NTRK3: variants seen among roughly 807,000 people sequenced by gnomAD.
The protein encoded by NTRK3 is NT-3 growth factor receptor.
A neutral mutation model predicts 91.7 loss-of-function variants in NTRK3; 24 were observed. The ratio of observed to expected loss-of-function variants is 0.26; its 90% CI spans 0.19 to 0.37. The LOEUF is 0.37. NTRK3 is among the 10% of genes least tolerant of loss of function. The pLI, the probability that NTRK3 is intolerant of heterozygous loss-of-function variation, is 1.00. For missense variants in NTRK3, 880 were observed against 1,068.9 expected, an observed-to-expected ratio of 0.82 and a Z score of 2.46; for synonymous variants, 483 against 404.0, an observed-to-expected ratio of 1.20 and a Z score of -2.34.
rs141416125 is a variant in NTRK3 at position 87,894,708 on chromosome 15, A to G, written c.2134-14280T>C. On this transcript the variant is annotated intron_variant, in intron 17 of 18. Coordinates refer to ENST00000394480, the Ensembl canonical transcript of NTRK3. ...CCTTTCTCACTGCCCCCCTTCTCCA[A>G]CTGTTGGTATGTCTCAATAGTTCCT... 4.3e-3 allele frequency among the ~76,000 whole-genome samples: 652 copies of G among 152,248 alleles called. 9 individuals are homozygous for G. Among genetic ancestry groups the G allele is most frequent in the African/African-American group, 0.015 (624 of 41,550 alleles).
In NTRK3 at chr15:88,143,784, G is replaced by A. The variant is rs2042618787; in HGVS notation, c.464+3551C>T. Among the ~76,000 whole-genome samples, 7 of 152,150 alleles carry A rather than the reference G, an allele frequency of 4.6e-5. 1 individual carries two copies. The South Asian group carries it at 1.2e-3, about 27-fold the overall frequency. ...AAGACTGGGAAGAGAAATGCACCAGGACCAGCCCAAACCCATCCCCGCTAC... is the reference window on the plus strand; with the variant it reads ...AAGACTGGGAAGAGAAATGCACCAGAACCAGCCCAAACCCATCCCCGCTAC... On this transcript the variant is annotated intron_variant, in intron 6 of 18. Transcript: ENST00000394480.
chr15:88,138,895 A>AT (rs781717731), intron 6 of NTRK3, among the ~76,000 whole-genome samples: 3 of 152,244 alleles, frequency 2.0e-5, no homozygotes, highest in South Asian at 2.1e-4. Flanking sequence ...TGGCATATAA[A>AT]TTCTTGTTAA....
In NTRK3 at chr15:88,255,236, G is replaced by A. The variant is rs1360274684; in HGVS notation, c.248+670C>T. 6.6e-6 allele frequency among the ~76,000 whole-genome samples: 1 copy of A among 152,152 alleles called. No homozygotes were observed. The highest frequency in any genetic ancestry group is 1.5e-5 in the Non-Finnish European group (1 of 68,044). On this transcript the variant is annotated intron_variant, in intron 3 of 18. Coordinates refer to ENST00000394480, the Ensembl canonical transcript of NTRK3. This position sits in a 1 kb window ranked among gnomAD's most constrained non-coding sequence, Gnocchi z 4.3. ...TGTAGGCGCCCAGATGCAGATGAGGGTGGCAAAGGGGTGTCTCGGAAATGC... is the reference window on the plus strand; with the variant it reads ...TGTAGGCGCCCAGATGCAGATGAGGATGGCAAAGGGGTGTCTCGGAAATGC...
At chr15:88,224,916 C>T (rs1036039348) in intron 3 of NTRK3, among the ~76,000 whole-genome samples, 4 of 152,242 alleles carry the variant, frequency 2.6e-5, no homozygotes, top group African/African-American at 9.6e-5. Context: ...CCCTGGGGAG[C>T]AGGGTGTCAC....
At chr15:88,085,638 G>A (rs1301546545) in intron 13 of NTRK3, among the ~76,000 whole-genome samples, 1 of 151,450 alleles carries the variant, frequency 6.6e-6, no homozygotes. Flanking sequence ...GGGGTGGTTT[G>A]TTACCCAGCA....
chr15:88,250,049 A>C (rs1038731477), intron 3 of NTRK3, among the ~76,000 whole-genome samples: 5 of 152,222 alleles, frequency 3.3e-5, no homozygotes, highest in South Asian at 2.1e-4. Context: ...CAGGAGACCA[A>C]GGTCCCCAGG....
intron 9 of NTRK3, among the ~76,000 whole-genome samples, chr15:88,135,607 C>T (rs562936583): frequency 6.6e-6 from 1 of 152,304 alleles, no homozygotes; most frequent in Non-Finnish European, 1.5e-5. Context: ...GGAGGGCTCC[C>T]TCTTGGGACC....
chr15:88,227,766 T>C (rs1365289), intron 3 of NTRK3, among the ~76,000 whole-genome samples: 130,662 of 151,850 alleles, frequency 0.86, 56,417 homozygotes, highest in East Asian at 0.99. Flanking sequence ...CCCTCCCCCT[T>C]TACCCACCTC....
intron 14 of NTRK3, among the ~76,000 whole-genome samples, chr15:88,027,183 T>C (rs180957513): frequency 1.1e-4 from 17 of 152,198 alleles, no homozygotes; most frequent in African/African-American, 3.9e-4. Flanking sequence ...TCTCAGGCTC[T>C]CTCTTGTATG....
intron 5 of NTRK3, among the ~76,000 whole-genome samples, chr15:88,150,096 A>C (rs1597615031): frequency 6.6e-6 from 1 of 152,262 alleles, no homozygotes; most frequent in East Asian, 1.9e-4. Flanking sequence ...TCCAATGGGC[A>C]GTTGGTAGCC....
At chr15:87,883,892 T>G in intron 17 of NTRK3, among the ~76,000 whole-genome samples, 1 of 148,842 alleles carries the variant, frequency 6.7e-6, no homozygotes, top group East Asian at 2.0e-4. Context: ...ATCTATGAAA[T>G]ATAACTGAAG....
intron 18 of NTRK3, among the ~76,000 whole-genome samples, chr15:87,877,524 C>G (rs2065005508): frequency 6.6e-6 from 1 of 152,132 alleles, no homozygotes; most frequent in Non-Finnish European, 1.5e-5. Flanking sequence ...GAGCCTGCCT[C>G]ACTTTGAAAC....
chr15:88,094,475 CAAAAAAAA>C (rs10610101), intron 13 of NTRK3, among the ~76,000 whole-genome samples: 7 of 30,324 alleles, frequency 2.3e-4, no homozygotes, highest in Admixed American at 4.3e-4. Flanking sequence ...GACTCCGTCT[CAAAAAAAA>C]AAAAAAAAAA....
chr15:88,145,638 C>T (rs935431530), intron 6 of NTRK3, among the ~76,000 whole-genome samples: 12 of 152,192 alleles, frequency 7.9e-5, no homozygotes, highest in Admixed American at 5.2e-4. Context: ...ATTGATTTCA[C>T]ATCCAATAAT....
chr15:87,931,321 C>A (rs552447522), intron 16 of NTRK3: 1 of 456,996 alleles, frequency 2.2e-6, no homozygotes, highest in East Asian at 6.1e-5. Flanking sequence ...AGGGCTATCC[C>A]GAATATTGAG....
In NTRK3 at chr15:88,235,383, A is replaced by G. The variant is rs1458775027; in HGVS notation, c.248+20523T>C. 1.3e-5 allele frequency among the ~76,000 whole-genome samples: 2 copies of G among 152,088 alleles called. No homozygotes were observed. Among genetic ancestry groups the G allele is most frequent in the South Asian group, 2.1e-4 (1 of 4,826 alleles). On this transcript the variant is annotated intron_variant, in intron 3 of 18. Transcript: ENST00000394480. This position sits in a 1 kb window ranked among gnomAD's most constrained non-coding sequence, Gnocchi z 5.2. ...CAGTACCCTGCCGCAGACAGTGGAC[A>G]CTCACTGGTCTCGGCCTTCCCGGAA...
chr15:88,070,158 G>T (rs2046981615), intron 13 of NTRK3, among the ~76,000 whole-genome samples: 1 of 152,100 alleles, frequency 6.6e-6, no homozygotes, highest in South Asian at 2.1e-4. Context: ...TGGCCTCTAT[G>T]GGCAATGCTA....
intron 17 of NTRK3, among the ~76,000 whole-genome samples, chr15:87,894,992 G>A (rs543609648): frequency 1.1e-3 from 160 of 152,158 alleles, no homozygotes; most frequent in Admixed American, 3.9e-3. Context: ...TGGATTCCTG[G>A]TATATCTTTG....
intron 17 of NTRK3, among the ~76,000 whole-genome samples, chr15:87,918,050 A>G (rs962643078): frequency 6.6e-6 from 1 of 151,788 alleles, no homozygotes; most frequent in Admixed American, 6.6e-5. Flanking sequence ...CCCCTTACAA[A>G]CTGCAAGTGG....
Sources: gnomAD v4.1 joint callset for allele counts (sites outside exome capture counted in the v4.1 genomes callset) on GRCh38, gnomAD v4.1.1 for gene constraint, Gnocchi (gnomAD v3.1) non-coding constraint, MANE v1.5 for transcripts, NCBI Gene and HGNC (gene_info 2026-07-23, HGNC 2026-07-21) for gene names.